TIAM1: variants seen among roughly 807,000 people sequenced by gnomAD.
The protein encoded by TIAM1 is rho guanine nucleotide exchange factor TIAM1.
A neutral mutation model predicts 163.5 loss-of-function variants in TIAM1; 65 were observed. The observed-to-expected ratio is 0.40, with a 90% CI of 0.33 to 0.49. The LOEUF (loss-of-function observed/expected upper bound fraction) is 0.49, where lower values mean the gene tolerates loss of function less well. Ranked by LOEUF, TIAM1 falls within the 20% of genes least tolerant of loss-of-function variation. The pLI, the probability that TIAM1 is intolerant of heterozygous loss-of-function variation, is 0.77. For synonymous variants in TIAM1, 833 were observed against 810.1 expected (o/e 1.03, Z -0.48); for missense variants, 1,789 against 2,044.7 (o/e 0.87, Z 2.41).
chr21:31,253,632 G>A (rs2071939032), intron 4 of TIAM1, among the ~76,000 whole-genome samples: 1 of 152,190 alleles, frequency 6.6e-6, no homozygotes, highest in South Asian at 2.1e-4. Flanking sequence ...GCAGGAGATT[G>A]CTGGGTGAGC....
intron 2 of TIAM1, among the ~76,000 whole-genome samples, chr21:31,461,042 T>C (rs1008188256): frequency 1.7e-4 from 26 of 152,294 alleles, no homozygotes; most frequent in African/African-American, 5.8e-4. Context: ...TCTACGTATT[T>C]TGAAAGCCCT....
intron 1 of TIAM1, among the ~76,000 whole-genome samples, chr21:31,466,589 A>C (rs919753987): frequency 6.6e-6 from 1 of 152,152 alleles, no homozygotes; most frequent in African/African-American, 2.4e-5. Context: ...AACTCCAGGG[A>C]ACAGAGGTCC....
At chr21:31,218,842 A>G (rs189608225) in intron 8 of TIAM1, among the ~76,000 whole-genome samples, 7 of 152,188 alleles carry the variant, frequency 4.6e-5, no homozygotes, top group Admixed American at 4.6e-4. Flanking sequence ...CTTTTCAAGG[A>G]TGGCAGAATA....
At chr21:31,220,431 C>T (rs112566991) in intron 8 of TIAM1, among the ~76,000 whole-genome samples, 3,492 of 152,214 alleles carry the variant, frequency 0.023, 150 homozygotes, top group African/African-American at 0.08. Context: ...CACACCAACA[C>T]GGCACATGTA....
intron 4 of TIAM1, among the ~76,000 whole-genome samples, chr21:31,258,473 T>A (rs2072250857): frequency 6.6e-6 from 1 of 152,222 alleles, no homozygotes; most frequent in African/African-American, 2.4e-5. Flanking sequence ...ATGTCTTGTG[T>A]GGATGCAATC....
At chr21:31,226,947 T>C (rs2088015174) in intron 6 of TIAM1, among the ~76,000 whole-genome samples, 1 of 147,848 alleles carries the variant, frequency 6.8e-6, no homozygotes, top group African/African-American at 2.5e-5. Flanking sequence ...TATACAAAAT[T>C]CTGTGTTTTT....
chr21:31,155,332 G>A (rs971002566), intron 16 of TIAM1, among the ~76,000 whole-genome samples: 4 of 152,174 alleles, frequency 2.6e-5, no homozygotes, highest in Non-Finnish European at 5.9e-5. Flanking sequence ...ACCTCCCGAT[G>A]CCCATGCACA....
chr21:31,543,331 C>T (rs953148796), intron 1 of TIAM1, among the ~76,000 whole-genome samples: 52 of 152,344 alleles, frequency 3.4e-4, no homozygotes, highest in African/African-American at 1.2e-3. Flanking sequence ...ATGACCTGCG[C>T]GTCATGCGTG....
intron 16 of TIAM1, among the ~76,000 whole-genome samples, chr21:31,163,437 C>T (rs1229834907): frequency 6.6e-6 from 1 of 152,072 alleles, no homozygotes; most frequent in African/African-American, 2.4e-5. Flanking sequence ...CAATGATCTG[C>T]TTTTTAATTA....
At chr21:31,217,257 C>T (rs1229476996) in intron 9 of TIAM1, among the ~76,000 whole-genome samples, 3 of 151,586 alleles carry the variant, frequency 2.0e-5, no homozygotes, top group Non-Finnish European at 4.4e-5. Flanking sequence ...CATTGCAGAG[C>T]CCTGCTTTTT....
intron 13 of TIAM1, among the ~76,000 whole-genome samples, chr21:31,193,861 T>A (rs1200108781): frequency 1.3e-5 from 2 of 152,116 alleles, no homozygotes; most frequent in Non-Finnish European, 2.9e-5. Flanking sequence ...TCCTCTCTTC[T>A]CTTTGTCAGC....
chr21:31,197,212 C>T (rs892527637), intron 12 of TIAM1, among the ~76,000 whole-genome samples: 14 of 152,120 alleles, frequency 9.2e-5, no homozygotes, highest in Non-Finnish European at 1.2e-4. Context: ...GGTAACAAAC[C>T]TGCACATGTG....
At chr21:31,203,676 T>G (rs140208677) in intron 11 of TIAM1, among the ~76,000 whole-genome samples, 1 of 152,202 alleles carries the variant, frequency 6.6e-6, no homozygotes, top group Non-Finnish European at 1.5e-5. Flanking sequence ...ACTTCATAGA[T>G]AGGTGATTAA....
At chr21:31,535,595 C>G (rs775609764) in intron 1 of TIAM1, among the ~76,000 whole-genome samples, 1 of 152,012 alleles carries the variant, frequency 6.6e-6, no homozygotes, top group African/African-American at 2.4e-5. Context: ...AGGCTGCCCA[C>G]GTAAAGGGGA....
chr21:31,387,202 T>C (rs1433724882), intron 2 of TIAM1, among the ~76,000 whole-genome samples: 17 of 104,152 alleles, frequency 1.6e-4, no homozygotes, highest in Non-Finnish European at 2.2e-4. Context: ...TCTCTTTTTT[T>C]TTTTTTTTTT....
chr21:31,294,227 C>T (rs889577586), intron 2 of TIAM1, among the ~76,000 whole-genome samples: 1 of 152,214 alleles, frequency 6.6e-6, no homozygotes, highest in African/African-American at 2.4e-5. Context: ...ACTAATGCAT[C>T]ATACTGGCAG....
chr21:31,555,529 G>A (rs184112892), intron 1 of TIAM1, among the ~76,000 whole-genome samples: 9 of 152,178 alleles, frequency 5.9e-5, no homozygotes, highest in Admixed American at 5.2e-4. Context: ...GCCTGAGTCC[G>A]TGGTGTTCAG....
At chr21:31,210,966 G>A (rs936549162) in intron 10 of TIAM1, among the ~76,000 whole-genome samples, 16 of 150,056 alleles carry the variant, frequency 1.1e-4, no homozygotes. Flanking sequence ...TTTTCAAAAA[G>A]ATCATGTTTT....
At chr21:31,231,127 G>A (rs2088397028) in intron 6 of TIAM1, among the ~76,000 whole-genome samples, 1 of 151,816 alleles carries the variant, frequency 6.6e-6, no homozygotes, top group African/African-American at 2.4e-5. Context: ...CGTTGCCACG[G>A]TCACAGAAGC....
Sources: gnomAD v4.1 joint callset for allele counts (sites outside exome capture counted in the v4.1 genomes callset) on GRCh38, gnomAD v4.1.1 for gene constraint, MANE v1.5 for transcripts, NCBI Gene and HGNC (gene_info 2026-07-23, HGNC 2026-07-21) for gene names.